SCFD1: variants seen among roughly 807,000 people sequenced by gnomAD.
SCFD1 encodes the protein sec1 family domain containing 1.
A neutral mutation model predicts 103.2 loss-of-function variants in SCFD1; 37 were observed. The ratio of observed to expected loss-of-function variants is 0.36; its 90% CI spans 0.28 to 0.47. The LOEUF (loss-of-function observed/expected upper bound fraction) is 0.47, where lower values mean the gene tolerates loss of function less well. Among genes scored for constraint, SCFD1 ranks in the 20% least tolerant of loss-of-function variants. The probability of loss-of-function intolerance (pLI) is 1.00; values close to 1 mark genes in which losing one functional copy is unlikely to be tolerated. For missense variants in SCFD1, 639 were observed against 761.2 expected, an observed-to-expected ratio of 0.84 and a Z score of 1.89; for synonymous variants, 264 against 245.0, an observed-to-expected ratio of 1.08 and a Z score of -0.73.
chr14:30,649,225 G>A (rs563476470), intron 7 of SCFD1, among the ~76,000 whole-genome samples: 2 of 151,986 alleles, frequency 1.3e-5, no homozygotes, highest in East Asian at 1.9e-4. Flanking sequence ...TGTGCTTGTC[G>A]GGGGAGGGTT....
chr14:30,732,125 T>C (rs1893518944), intron 23 of SCFD1, among the ~76,000 whole-genome samples: 2 of 152,220 alleles, frequency 1.3e-5, no homozygotes, highest in African/African-American at 2.4e-5. Context: ...GGATTCCTCA[T>C]TCCAAGTGCA....
intron 10 of SCFD1, chr14:30,658,289 T>C (rs1887099830): frequency 6.3e-6 from 1 of 158,362 alleles, no homozygotes; most frequent in African/African-American, 2.4e-5. Flanking sequence ...TTAATTAAAG[T>C]TTACCTTTTT....
intron 14 of SCFD1, among the ~76,000 whole-genome samples, chr14:30,690,399 C>A (rs2139291900): frequency 1.1e-5 from 1 of 88,490 alleles, no homozygotes; most frequent in South Asian, 3.8e-4. Context: ...GGCGGGCGCC[C>A]CTCCCCCAGC....
At chr14:30,647,516 ATG>A (rs1472123939) in intron 7 of SCFD1, among the ~76,000 whole-genome samples, 1 of 151,980 alleles carries the variant, frequency 6.6e-6, no homozygotes, top group Non-Finnish European at 1.5e-5. Flanking sequence ...ATATTACCTT[ATG>A]TGATTCTCTT....
chr14:30,713,282 G>T (rs1392062513), intron 19 of SCFD1, among the ~76,000 whole-genome samples: 1 of 152,166 alleles, frequency 6.6e-6, no homozygotes, highest in Non-Finnish European at 1.5e-5. Flanking sequence ...TTCCATTAAT[G>T]TATGGGAGTA....
intron 1 of SCFD1, among the ~76,000 whole-genome samples, chr14:30,622,859 G>C (rs548830507): frequency 1.3e-5 from 2 of 152,238 alleles, no homozygotes; most frequent in African/African-American, 2.4e-5. Context: ...CAGTCTTTTG[G>C]GGGTACCTGC....
chr14:30,623,477 A>G (rs1404628264), intron 1 of SCFD1, among the ~76,000 whole-genome samples: 1 of 152,216 alleles, frequency 6.6e-6, no homozygotes. Context: ...CTATCAGGTG[A>G]AGTCAGGCAT....
chr14:30,654,062 A>G (rs1293783453), intron 10 of SCFD1: 1 of 152,608 alleles, frequency 6.6e-6, no homozygotes, highest in East Asian at 1.9e-4. Context: ...GCTTATAGCA[A>G]AAATTTGTAT....
Position 30,623,731 on chromosome 14 carries a change from G to T in SCFD1, c.61+1332G>T, listed in dbSNP as rs143795028. 2.9e-3 allele frequency among the ~76,000 whole-genome samples: 449 copies of T among 152,230 alleles called. 4 individuals are homozygous for T. The highest frequency in any genetic ancestry group is 9.1e-3 in the African/African-American group (379 of 41,520). Reference sequence around the variant, plus strand: ...TTAAAATCTAATCGTTTGTATTTCTGCAGAAATAAACATAGTAAGATTTTA... The same window carrying T: ...TTAAAATCTAATCGTTTGTATTTCTTCAGAAATAAACATAGTAAGATTTTA... On this transcript the variant is annotated intron_variant, in intron 1 of 24. Transcript: ENST00000458591.
intron 15 of SCFD1, among the ~76,000 whole-genome samples, chr14:30,695,882 A>C (rs1438941155): frequency 2.0e-5 from 3 of 152,114 alleles, no homozygotes; most frequent in Non-Finnish European, 4.4e-5. Flanking sequence ...AAAAACAAAC[A>C]AACAAAAAAA....
intron 23 of SCFD1, among the ~76,000 whole-genome samples, chr14:30,733,937 T>C (rs1893655890): frequency 6.6e-6 from 1 of 152,198 alleles, no homozygotes. Context: ...CTGTGACCTC[T>C]ACCTTTAATT....
Position 30,622,390 on chromosome 14 carries a change from A to G in SCFD1, c.52A>G (p.Arg18Gly), listed in dbSNP as rs554515147. The change falls in exon 1 of 25, where the codon AGG becomes GGG. Residue 18 changes from arginine to glycine, a missense_variant. By Grantham distance (125) the Arg-to-Gly change is moderately radical. Coordinates refer to ENST00000458591, the MANE Select transcript of SCFD1 (RefSeq NM_016106.4). ...TAAAAASIRE[R>G]QTVALKRMLN... The stretch of plus-strand genomic sequence containing the variant: ...AGCAGCAGCAGCCAGTATTCGGGAA[A>G]GGCAGACAGGTACTGACTTATTCTC... 3 of 1,553,854 alleles carry G rather than the reference A, an allele frequency of 1.9e-6. No homozygotes were observed. The highest frequency in any genetic ancestry group is 4.9e-5 in the East Asian group (2 of 41,158).
intron 19 of SCFD1, among the ~76,000 whole-genome samples, chr14:30,709,173 G>A (rs1229354990): frequency 6.6e-6 from 1 of 152,044 alleles, no homozygotes; most frequent in Non-Finnish European, 1.5e-5. Context: ...CCTGAATATT[G>A]TTTATTTACC....
rs1236141793 is a variant in SCFD1, at chr14:30,715,170, T to C, written c.1630-754T>C. 1.3e-5 allele frequency: 2 copies of C among 152,254 alleles called. 1 individual carries two copies. The highest frequency in any genetic ancestry group is 2.9e-5 in the Non-Finnish European group (2 of 68,046). 9.4% of individuals were successfully genotyped at this position (152,254 alleles called of 1,614,324 possible). A position where few individuals can be genotyped will look rare whatever the true frequency, so the allele number is the denominator to read the frequency against. Reference sequence around the variant, plus strand: ...TTCCTAAGTACAAAAAATACCTTTTTATTAGAAATGAACGAACTCTTACAT... The same window carrying C: ...TTCCTAAGTACAAAAAATACCTTTTCATTAGAAATGAACGAACTCTTACAT... On this transcript the variant is annotated intron_variant, in intron 19 of 24. Coordinates refer to ENST00000458591, the MANE Select transcript of SCFD1 (RefSeq NM_016106.4).
intron 10 of SCFD1, among the ~76,000 whole-genome samples, chr14:30,656,257 G>A (rs1459985394): frequency 2.6e-5 from 4 of 152,120 alleles, no homozygotes; most frequent in Non-Finnish European, 5.9e-5. Context: ...CACTGCACCC[G>A]GACAGAAAAT....
At position 30,636,726 on chromosome 14, in the gene SCFD1, T is replaced by C. The variant is rs1245230106; in HGVS notation, c.313-1399T>C. ...TTTTCTTGAATTTCCAAATTACGAT[T>C]AGCTTGTCATAAGTTTTGTGCTTCT... On this transcript the variant is annotated intron_variant, in intron 4 of 24. Transcript: ENST00000458591. Among the ~76,000 whole-genome samples the C allele has an allele frequency of 2.6e-5, 4 of 152,124 alleles. No individual in the cohort carries two copies. In the East Asian group the frequency reaches 7.7e-4, roughly 29 times the overall value.
intron 23 of SCFD1, among the ~76,000 whole-genome samples, chr14:30,727,233 T>G (rs1050194949): frequency 6.6e-6 from 1 of 152,208 alleles, no homozygotes; most frequent in African/African-American, 2.4e-5. Context: ...GCAGCAGTTA[T>G]TTTATGTCTG....
At chr14:30,691,218 A>G (rs1404897534) in intron 14 of SCFD1, among the ~76,000 whole-genome samples, 1 of 152,220 alleles carries the variant, frequency 6.6e-6, no homozygotes, top group Non-Finnish European at 1.5e-5. Flanking sequence ...CTGTTTCTTC[A>G]TCTTTAAAAT....
chr14:30,714,461 G>A (rs1168423750), intron 19 of SCFD1, among the ~76,000 whole-genome samples: 1 of 151,490 alleles, frequency 6.6e-6, no homozygotes, highest in Non-Finnish European at 1.5e-5. Context: ...TTTGATGCTT[G>A]TATTTATATT....
Sources: gnomAD v4.1 joint callset for allele counts (sites outside exome capture counted in the v4.1 genomes callset) on GRCh38, gnomAD v4.1.1 for gene constraint, MANE v1.5 for transcripts, NCBI Gene and HGNC (gene_info 2026-07-23, HGNC 2026-07-21) for gene names.